NAALADL2: variants seen among roughly 807,000 people sequenced by gnomAD.
NAALADL2 encodes the protein N-acetylated alpha-linked acidic dipeptidase like 2, also known as inactive N-acetylated-alpha-linked acidic dipeptidase-like protein 2.
NAALADL2 carries 76 observed loss-of-function variants against 87.2 expected under a neutral mutation model. That is an observed-to-expected ratio of 0.87 (90% CI 0.72 to 1.05). The LOEUF (loss-of-function observed/expected upper bound fraction) is 1.05. Among genes scored for constraint, NAALADL2 ranks in the 50% least tolerant of loss-of-function variants. The pLI is 0.00. For synonymous variants in NAALADL2, 354 were observed against 331.0 expected (o/e 1.07, Z -0.75); for missense variants, 1,089 against 945.8 (o/e 1.15, Z -1.99).
intron 10 of NAALADL2, among the ~76,000 whole-genome samples, chr3:175,602,458 CTATA>C (rs71164643): frequency 2.0e-5 from 3 of 149,096 alleles, no homozygotes; most frequent in Non-Finnish European, 4.5e-5. Flanking sequence ...ATGTGTGTAT[CTATA>C]TATATAGAGA....
chr3:175,040,722 TAA>T (rs1173689516), intron 1 of NAALADL2, among the ~76,000 whole-genome samples: 4 of 152,160 alleles, frequency 2.6e-5, no homozygotes, highest in African/African-American at 9.7e-5. Context: ...ATATAAAAAG[TAA>T]AGTCATTTAT....
intron 1 of NAALADL2, among the ~76,000 whole-genome samples, chr3:174,890,579 A>T (rs1730743434): frequency 6.6e-6 from 1 of 152,214 alleles, no homozygotes; most frequent in Non-Finnish European, 1.5e-5. Context: ...AGCACAGAGA[A>T]ATATGAAAGG....
chr3:175,115,062 A>G (rs1300104010), intron 2 of NAALADL2: 1 of 151,716 alleles, frequency 6.6e-6, no homozygotes, highest in African/African-American at 2.4e-5. Context: ...AGATGTTAAA[A>G]TGTCACAGAC....
chr3:174,681,920 G>A lies in NAALADL2; in HGVS notation c.-114-55721G>A, dbSNP rs140975168. Among the ~76,000 whole-genome samples the A allele has an allele frequency of 2.8e-3, 420 of 152,256 alleles. 4 individuals are homozygous for A. Among genetic ancestry groups the A allele is most frequent in the South Asian group, 0.022 (104 of 4,826 alleles). Reference sequence around the variant, plus strand: ...AGAGGTGGGGACAACTGCCCTGAAGGCAGTGCCCCAGACCTAGCAGCATTC... The same window carrying A: ...AGAGGTGGGGACAACTGCCCTGAAGACAGTGCCCCAGACCTAGCAGCATTC... On this transcript the variant is annotated intron_variant, in intron 2 of 3. Transcript: ENST00000434257.
chr3:174,754,038 G>A (rs1279672117), intron 3 of NAALADL2, among the ~76,000 whole-genome samples: 2 of 151,976 alleles, frequency 1.3e-5, no homozygotes, highest in Non-Finnish European at 2.9e-5. Context: ...CCAAACTGTG[G>A]GAAACAAATT....
chr3:175,059,999 C>A, intron 1 of NAALADL2: 1 of 429,880 alleles, frequency 2.3e-6, no homozygotes, highest in Non-Finnish European at 4.6e-6. Flanking sequence ...ACATGGAGGC[C>A]AGCAGGGCTT....
chr3:175,727,054 G>T (rs1243800010), intron 11 of NAALADL2, among the ~76,000 whole-genome samples: 1 of 152,114 alleles, frequency 6.6e-6, no homozygotes, highest in African/African-American at 2.4e-5. Context: ...GTGGAGACAT[G>T]CCTTGTTTAT....
At chr3:175,740,491 C>T (rs1745077947) in intron 12 of NAALADL2, among the ~76,000 whole-genome samples, 1 of 152,110 alleles carries the variant, frequency 6.6e-6, no homozygotes, top group African/African-American at 2.4e-5. Flanking sequence ...TTCCTAGTCT[C>T]TCGATGTTTA....
chr3:174,451,224 A>G (rs2108272510), intron 1 of NAALADL2, among the ~76,000 whole-genome samples: 1 of 152,292 alleles, frequency 6.6e-6, no homozygotes, highest in Non-Finnish European at 1.5e-5. Context: ...CTGAGGGTTT[A>G]ATTTATTGCT....
intron 4 of NAALADL2, among the ~76,000 whole-genome samples, chr3:175,288,882 C>CT (rs947942789): frequency 6.6e-5 from 10 of 152,096 alleles, no homozygotes; most frequent in African/African-American, 2.4e-4. Flanking sequence ...TTCCAAGAAG[C>CT]TTTTTTCTAC....
At chr3:175,590,714 T>C (rs1471044221) in intron 10 of NAALADL2, among the ~76,000 whole-genome samples, 1 of 152,080 alleles carries the variant, frequency 6.6e-6, no homozygotes, top group African/African-American at 2.4e-5. Context: ...CTATATTGAT[T>C]CAATCTACTA....
chr3:175,031,717 A>C (rs1752822440), intron 1 of NAALADL2, among the ~76,000 whole-genome samples: 1 of 152,054 alleles, frequency 6.6e-6, no homozygotes, highest in Admixed American at 6.6e-5. Flanking sequence ...ATGACTGAAC[A>C]AATGTATGTT....
intron 4 of NAALADL2, among the ~76,000 whole-genome samples, chr3:175,320,110 C>T (rs1169351277): frequency 1.3e-5 from 2 of 152,070 alleles, no homozygotes; most frequent in East Asian, 3.9e-4. Context: ...CCTTTATTAT[C>T]TTTATGTTCT....
Position 175,246,607 on chromosome 3 carries a change from C to T in NAALADL2, c.820-9804C>T, listed in dbSNP as rs537659218. Reference sequence around the variant, plus strand: ...CCAGCCACCCACAGGTGGACTGTACCGGGGTAATTTTCCTGACTTAGTTAC... The same window carrying T: ...CCAGCCACCCACAGGTGGACTGTACTGGGGTAATTTTCCTGACTTAGTTAC... On this transcript the variant is annotated intron_variant, in intron 3 of 13. Transcript: ENST00000454872. Among the ~76,000 whole-genome samples the T allele has an allele frequency of 9.9e-5, 15 of 152,192 alleles. No individual in the cohort carries two copies. In the South Asian group the frequency reaches 2.7e-3, roughly 27 times the overall value.
chr3:174,532,658 C>T (rs777277757), intron 1 of NAALADL2, among the ~76,000 whole-genome samples: 6 of 152,162 alleles, frequency 3.9e-5, no homozygotes, highest in Non-Finnish European at 8.8e-5. Context: ...CCCTGTTTCA[C>T]TACCTGATCT....
rs571626671 is a variant in NAALADL2, at chr3:174,871,082, C to G, written c.43+11632C>G. The stretch of plus-strand genomic sequence containing the variant: ...CTACTAAATTCAAGAATGTTTTGAC[C>G]ATTAACCTTCAGTTTGAAGTTTTAG... On this transcript the variant is annotated intron_variant, in intron 1 of 13. Coordinates refer to ENST00000454872, the MANE Select transcript of NAALADL2 (RefSeq NM_207015.3). Among the ~76,000 whole-genome samples, 3 of 152,064 alleles carry G rather than the reference C, an allele frequency of 2.0e-5. No homozygotes were observed. The South Asian group carries it at 6.2e-4, about 31-fold the overall frequency.
At chr3:175,423,028 A>AAAAAAATATAT (rs1438736874) in intron 5 of NAALADL2, among the ~76,000 whole-genome samples, 29 of 111,274 alleles carry the variant, frequency 2.6e-4, no homozygotes, top group East Asian at 5.5e-4. Context: ...GAAAAAAAAA[A>AAAAAAATATAT]ATATATATAT....
intron 9 of NAALADL2, among the ~76,000 whole-genome samples, chr3:175,532,690 T>G (rs991704459): frequency 2.0e-5 from 3 of 152,224 alleles, no homozygotes; most frequent in Non-Finnish European, 4.4e-5. Flanking sequence ...TTACGGTGGC[T>G]ACACCCACCT....
chr3:174,707,911 G>A (rs1035504984), intron 2 of NAALADL2, among the ~76,000 whole-genome samples: 1 of 151,880 alleles, frequency 6.6e-6, no homozygotes, highest in Non-Finnish European at 1.5e-5. Flanking sequence ...ATATGAAAAA[G>A]TATGTATTTA....
Sources: allele counts gnomAD v4.1 joint callset (sites outside exome capture counted in the v4.1 genomes callset), GRCh38; gene constraint gnomAD v4.1.1; transcripts MANE v1.5; gene names NCBI Gene and HGNC (gene_info 2026-07-23, HGNC 2026-07-21).